The following NAALADL2 variants were observed in gnomAD, a reference collection of about 807,000 sequenced individuals.
NAALADL2 encodes N-acetylated alpha-linked acidic dipeptidase like 2.
A neutral mutation model predicts 87.2 loss-of-function variants in NAALADL2; 76 were observed. The observed-to-expected ratio is 0.87, with a 90% CI of 0.72 to 1.05. NAALADL2 has a LOEUF of 1.05. Among genes scored for constraint, NAALADL2 ranks in the 50% least tolerant of loss-of-function variants. NAALADL2 has a pLI of 0.00. For missense variants in NAALADL2, 1,089 were observed against 945.8 expected (o/e 1.15, Z -1.99); for synonymous variants, 354 against 331.0 (o/e 1.07, Z -0.75).
chr3:174,929,263 G>A (rs1736522265), intron 1 of NAALADL2, among the ~76,000 whole-genome samples: 1 of 152,182 alleles, frequency 6.6e-6, no homozygotes, highest in Admixed American at 6.5e-5. Context: ...TTTATTCTAA[G>A]TGTAATGGGA....
chr3:175,570,474 G>A (rs76271571), intron 9 of NAALADL2, among the ~76,000 whole-genome samples: 2 of 152,182 alleles, frequency 1.3e-5, no homozygotes, highest in South Asian at 4.1e-4. Flanking sequence ...AACATCATTG[G>A]TGTCATTGTA....
intron 1 of NAALADL2, among the ~76,000 whole-genome samples, chr3:174,869,944 C>T (rs1427343001): frequency 2.1e-5 from 3 of 143,396 alleles, no homozygotes; most frequent in Admixed American, 7.5e-5. Flanking sequence ...TCCAGTGGGC[C>T]GAGATCACGC....
intron 1 of NAALADL2, among the ~76,000 whole-genome samples, chr3:175,026,470 C>G (rs1490646318): frequency 6.9e-6 from 1 of 143,970 alleles, no homozygotes; most frequent in Non-Finnish European, 1.5e-5. Context: ...CATGGTGAAA[C>G]CCCGTCTCTA....
Position 175,241,595 on chromosome 3 carries a change from TC to T in NAALADL2, c.819+7394del, listed in dbSNP as rs568504215. ...TACATATTTAAGAAGATATATATTT[TC>T]CCTGTATTTAAAATTTAGACAGGAC... On this transcript the variant is annotated intron_variant, in intron 3 of 13. Transcript: ENST00000454872. 9.5e-4 allele frequency among the ~76,000 whole-genome samples: 144 copies of T among 152,268 alleles called. 1 individual carries two copies. The highest frequency in any genetic ancestry group is 1.8e-3 in the Non-Finnish European group (123 of 68,014).
chr3:174,455,059 C>T lies in NAALADL2; in HGVS notation c.-184+14027C>T, dbSNP rs116879081. The stretch of plus-strand genomic sequence containing the variant: ...ATGACAGAGGGGATATTACTGCTGA[C>T]CCCACAGAAATACAAATAACCACCA... On this transcript the variant is annotated intron_variant, in intron 1 of 3. Coordinates refer to the NAALADL2 transcript ENST00000434257. Among the ~76,000 whole-genome samples, 1,070 of 151,356 alleles carry T rather than the reference C, an allele frequency of 7.1e-3. 54 individuals are homozygous for T. The East Asian group carries it at 0.12, about 18-fold the overall frequency.
intron 5 of NAALADL2, among the ~76,000 whole-genome samples, chr3:175,396,143 G>A (rs534681250): frequency 2.6e-5 from 4 of 152,160 alleles, no homozygotes; most frequent in South Asian, 2.1e-4. Flanking sequence ...GTCCATGACC[G>A]TCTTCCTAGG....
chr3:175,579,854 G>A lies in NAALADL2; in HGVS notation c.1800+3667G>A, dbSNP rs146017297. Among the ~76,000 whole-genome samples the A allele has an allele frequency of 1.1e-3, 169 of 150,040 alleles. 2 individuals are homozygous for A. Among genetic ancestry groups the A allele is most frequent in the African/African-American group, 4.0e-3 (165 of 41,196 alleles). On this transcript the variant is annotated intron_variant, in intron 10 of 13. Transcript: ENST00000454872. ...TCAATCAGTATTTTTATTCTCTACA[G>A]GGCATGCCAGAGGGTCTATCTTTCT...
chr3:175,460,470 T>C (rs1356515418), intron 6 of NAALADL2, among the ~76,000 whole-genome samples: 1 of 152,174 alleles, frequency 6.6e-6, no homozygotes, highest in Non-Finnish European at 1.5e-5. Context: ...CCAATGTAAA[T>C]ATAGCATTCT....
chr3:175,780,271 G>C (rs1327094220), intron 13 of NAALADL2, among the ~76,000 whole-genome samples: 1 of 150,330 alleles, frequency 6.7e-6, no homozygotes, highest in Non-Finnish European at 1.5e-5. Flanking sequence ...GCGAGACTCT[G>C]TCTCAAAAAA....
intron 9 of NAALADL2, among the ~76,000 whole-genome samples, chr3:175,558,876 CT>C (rs1483127439): frequency 6.6e-6 from 1 of 152,038 alleles, no homozygotes; most frequent in East Asian, 1.9e-4. Context: ...CAGTTTTGTT[CT>C]TTTTGCTTAG....
intron 1 of NAALADL2, among the ~76,000 whole-genome samples, chr3:174,901,749 G>A (rs1732325416): frequency 1.3e-5 from 2 of 152,124 alleles, no homozygotes; most frequent in South Asian, 4.2e-4. Context: ...GTGATTTGGT[G>A]TACTTAGATC....
rs775794958 is a variant in NAALADL2, at chr3:174,508,658, A to AT, written c.-183-41911_-183-41910insT. 3.3e-5 allele frequency among the ~76,000 whole-genome samples: 5 copies of AT among 152,316 alleles called. No individual in the cohort carries two copies. In the East Asian group the frequency reaches 9.7e-4, roughly 29 times the overall value. Reference sequence around the variant, plus strand: ...GATGTCATTTTTAACTTGTGTCAGCAAAGTTTTGTCATTTGCAGGGCACAA... The same window carrying AT: ...GATGTCATTTTTAACTTGTGTCAGCATAAGTTTTGTCATTTGCAGGGCACAA... On this transcript the variant is annotated intron_variant, in intron 1 of 3. Transcript: ENST00000434257.
At chr3:174,623,147 G>T (rs1721205816) in intron 2 of NAALADL2, among the ~76,000 whole-genome samples, 1 of 152,208 alleles carries the variant, frequency 6.6e-6, no homozygotes, top group Non-Finnish European at 1.5e-5. Context: ...TGCAAGAACT[G>T]CAAGAGATCA....
At chr3:174,491,636 G>A (rs1006142202) in intron 1 of NAALADL2, among the ~76,000 whole-genome samples, 6 of 152,064 alleles carry the variant, frequency 3.9e-5, no homozygotes, top group Admixed American at 1.3e-4. Flanking sequence ...AAAGGAATTC[G>A]TTATGTCTTA....
In NAALADL2 at chr3:175,613,418, G is replaced by A. The variant is rs543813653; in HGVS notation, c.1801-13873G>A. 1.0e-3 allele frequency among the ~76,000 whole-genome samples: 155 copies of A among 152,292 alleles called. 1 individual carries two copies. Among genetic ancestry groups the A allele is most frequent in the African/African-American group, 3.5e-3 (144 of 41,566 alleles). ...AATTACTGAAGAATGGGCAAGCGAA[G>A]ATTTTAAATTACAACATTATGCATC... On this transcript the variant is annotated intron_variant, in intron 10 of 13. Transcript: ENST00000454872.
intron 1 of NAALADL2, among the ~76,000 whole-genome samples, chr3:174,442,480 C>T (rs902134253): frequency 1.3e-5 from 2 of 152,054 alleles, no homozygotes; most frequent in Non-Finnish European, 2.9e-5. Flanking sequence ...TGACGTAATG[C>T]ATTCCTGATA....
chr3:174,707,992 A>G (rs932216023), intron 2 of NAALADL2, among the ~76,000 whole-genome samples: 2 of 152,202 alleles, frequency 1.3e-5, no homozygotes, highest in Non-Finnish European at 2.9e-5. Flanking sequence ...TGCTAGCTGC[A>G]TTCCATTTCA....
intron 5 of NAALADL2, among the ~76,000 whole-genome samples, chr3:175,341,069 G>A (rs750680541): frequency 2.0e-5 from 3 of 151,380 alleles, no homozygotes; most frequent in Admixed American, 6.6e-5. Context: ...TTTTTGTAGC[G>A]TATTCACAGA....
At chr3:174,581,071 A>G in intron 2 of NAALADL2, among the ~76,000 whole-genome samples, 1 of 152,144 alleles carries the variant, frequency 6.6e-6, no homozygotes, top group East Asian at 1.9e-4. Context: ...TTTGCATAGA[A>G]TGATGGCATG....
Sources: gnomAD v4.1 joint callset for allele counts (sites outside exome capture counted in the v4.1 genomes callset) on GRCh38, gnomAD v4.1.1 for gene constraint, MANE v1.5 for transcripts, NCBI Gene and HGNC (gene_info 2026-07-23, HGNC 2026-07-21) for gene names.